LRRC4C: variants seen among roughly 807,000 people sequenced by gnomAD.
The protein encoded by LRRC4C is leucine rich repeat containing 4C.
A neutral mutation model predicts 33.6 loss-of-function variants in LRRC4C; 5 were observed. That is an observed-to-expected ratio of 0.15 (90% CI 0.08 to 0.31). The LOEUF (loss-of-function observed/expected upper bound fraction) is 0.31, where lower values mean the gene tolerates loss of function less well. LRRC4C is among the 10% of genes least tolerant of loss of function. The probability of loss-of-function intolerance (pLI) is 1.00; values close to 1 mark genes in which losing one functional copy is unlikely to be tolerated. For synonymous variants in LRRC4C, 329 were observed against 302.0 expected (o/e 1.09, Z -0.93); for missense variants, 560 against 796.7 (o/e 0.70, Z 3.58).
chr11:40,321,188 T>C (rs1945830052), intron 3 of LRRC4C, among the ~76,000 whole-genome samples: 1 of 151,952 alleles, frequency 6.6e-6, no homozygotes, highest in South Asian at 2.1e-4. Context: ...ATATGATGAT[T>C]TTTTTCCCCT....
intron 3 of LRRC4C, among the ~76,000 whole-genome samples, chr11:40,358,864 A>G (rs948216832): frequency 1.3e-5 from 2 of 151,828 alleles, no homozygotes; most frequent in African/African-American, 4.8e-5. Context: ...TCATTCATTT[A>G]TTTATTTATT....
At chr11:41,214,595 A>AAAAAAAAAAAAAAAAC (rs1946962883) in intron 1 of LRRC4C, among the ~76,000 whole-genome samples, 1 of 144,386 alleles carries the variant, frequency 6.9e-6, no homozygotes, top group Non-Finnish European at 1.5e-5. Context: ...AAAAAAAAAA[A>AAAAAAAAAAAAAAAAC]AAAAATTAGC....
At chr11:41,118,187 T>C (rs1176639911) in intron 1 of LRRC4C, among the ~76,000 whole-genome samples, 1 of 152,184 alleles carries the variant, frequency 6.6e-6, no homozygotes, top group African/African-American at 2.4e-5. Context: ...TTGACCAATA[T>C]ATCCAGTAGG....
At chr11:40,906,451 C>G (rs1956420700) in intron 2 of LRRC4C, among the ~76,000 whole-genome samples, 1 of 151,924 alleles carries the variant, frequency 6.6e-6, no homozygotes, top group African/African-American at 2.4e-5. Flanking sequence ...GCGGAGGTTG[C>G]AGTGAGCCGA....
At chr11:40,809,174 A>G (rs866072294) in intron 2 of LRRC4C, among the ~76,000 whole-genome samples, 21 of 152,136 alleles carry the variant, frequency 1.4e-4, no homozygotes, top group African/African-American at 5.1e-4. Flanking sequence ...AAAATAGTTT[A>G]CTGTGTTTTC....
At chr11:40,441,535 G>T (rs1478096544) in intron 3 of LRRC4C, among the ~76,000 whole-genome samples, 2 of 152,166 alleles carry the variant, frequency 1.3e-5, no homozygotes, top group African/African-American at 2.4e-5. Flanking sequence ...GCAACTCAAA[G>T]AGCCTTGGCT....
intron 5 of LRRC4C, among the ~76,000 whole-genome samples, chr11:40,202,882 G>A (rs1862869595): frequency 6.6e-6 from 1 of 152,134 alleles, no homozygotes; most frequent in Admixed American, 6.5e-5. Context: ...GACAGAAGAG[G>A]GCTCAGCTGC....
intron 4 of LRRC4C, among the ~76,000 whole-genome samples, chr11:40,288,300 G>C (rs1451723745): frequency 6.6e-6 from 1 of 152,168 alleles, no homozygotes; most frequent in African/African-American, 2.4e-5. Flanking sequence ...AACTTTCATA[G>C]AGAATTTCCA....
chr11:40,204,275 C>T (rs971296013), intron 5 of LRRC4C, among the ~76,000 whole-genome samples: 1 of 152,152 alleles, frequency 6.6e-6, no homozygotes, highest in Non-Finnish European at 1.5e-5. Context: ...CCATTCTACA[C>T]TTGACTTTTG....
chr11:40,293,194 T>TGCGGGGG (rs1944313453), intron 4 of LRRC4C: 1 of 99,094 alleles, frequency 1.0e-5, no homozygotes, highest in African/African-American at 3.7e-5. Flanking sequence ...TTAAATGGAG[T>TGCGGGGG]GCGGGGGGCG....
intron 3 of LRRC4C, among the ~76,000 whole-genome samples, chr11:40,437,786 C>T (rs1951207007): frequency 6.6e-6 from 1 of 152,130 alleles, no homozygotes; most frequent in African/African-American, 2.4e-5. Context: ...CGGCTTACTG[C>T]AAACTCTGCC....
At chr11:41,269,897 C>T (rs1182033580) in intron 1 of LRRC4C, among the ~76,000 whole-genome samples, 3 of 152,036 alleles carry the variant, frequency 2.0e-5, no homozygotes, top group Non-Finnish European at 4.4e-5. Flanking sequence ...AATCCATAGG[C>T]ACAGAAAAGC....
rs1035894811 is a variant in LRRC4C at position 40,751,247 on chromosome 11, C to T, written c.-406-102969G>A. ...CACTTTTACCACTCTGATTCTACAT[C>T]GTACTTGATGTCCTAGCCAGATAAA... On this transcript the variant is annotated intron_variant, in intron 2 of 6. Transcript: ENST00000528697. Among the ~76,000 whole-genome samples the T allele has an allele frequency of 1.2e-4, 19 of 152,180 alleles. No homozygotes were observed. The East Asian group carries it at 3.1e-3, about 25-fold the overall frequency.
chr11:41,119,111 A>AT (rs60339052), intron 1 of LRRC4C, among the ~76,000 whole-genome samples: 63,895 of 151,840 alleles, frequency 0.42, 14,908 homozygotes, highest in Middle Eastern at 0.56. Flanking sequence ...GATTTTCTGT[A>AT]TTGTTTCACT....
chr11:41,223,299 G>A (rs1947388387), intron 1 of LRRC4C, among the ~76,000 whole-genome samples: 2 of 152,128 alleles, frequency 1.3e-5, no homozygotes, highest in Non-Finnish European at 2.9e-5. Flanking sequence ...GAGAAATTTA[G>A]CACATAAAAG....
At chr11:40,964,225 T>A (rs1851171743) in intron 1 of LRRC4C, among the ~76,000 whole-genome samples, 1 of 151,670 alleles carries the variant, frequency 6.6e-6, no homozygotes. Flanking sequence ...ATGTGTTAGA[T>A]ATTATTTTTA....
At position 40,763,111 on chromosome 11, in the gene LRRC4C, G is replaced by C. The variant is rs75395529; in HGVS notation, c.-406-114833C>G. On this transcript the variant is annotated intron_variant, in intron 2 of 6. Transcript: ENST00000528697. The stretch of plus-strand genomic sequence containing the variant: ...TATATATGTATATATATATATTTAT[G>C]TATGTGTGTGTATACATATATATAC... Among the ~76,000 whole-genome samples, 5 of 36,544 alleles carry C rather than the reference G, an allele frequency of 1.4e-4. No individual in the cohort carries two copies. The East Asian group carries it at 2.1e-3, about 15-fold the overall frequency. The allele number at this position is 36,544 out of a possible 152,430, so 24.0% of individuals were successfully genotyped here.
chr11:41,170,466 T>C (rs1200256097), intron 1 of LRRC4C, among the ~76,000 whole-genome samples: 6 of 152,086 alleles, frequency 3.9e-5, no homozygotes, highest in African/African-American at 1.2e-4. Flanking sequence ...CTACAACTAT[T>C]TGATCTTTGA....
chr11:41,188,414 A>C (rs1945791261), intron 1 of LRRC4C, among the ~76,000 whole-genome samples: 1 of 152,162 alleles, frequency 6.6e-6, no homozygotes, highest in African/African-American at 2.4e-5. Context: ...GGAAGACTGA[A>C]TAGTGAGGTA....
Sources: gnomAD v4.1 joint callset for allele counts (sites outside exome capture counted in the v4.1 genomes callset) on GRCh38, gnomAD v4.1.1 for gene constraint, MANE v1.5 for transcripts, NCBI Gene and HGNC (gene_info 2026-07-23, HGNC 2026-07-21) for gene names.